The following RPL28 variants were observed in gnomAD, a reference collection of about 807,000 sequenced individuals.
The protein encoded by RPL28 is ribosomal protein L28.
In RPL28, 4 loss-of-function variants were observed where a neutral mutation model predicts 12.5. The ratio of observed to expected loss-of-function variants is 0.32; its 90% CI spans 0.16 to 0.73. The LOEUF is 0.73. RPL28 is among the 30% of genes least tolerant of loss of function. The pLI, the probability that RPL28 is intolerant of heterozygous loss-of-function variation, is 0.66. For synonymous variants in RPL28, 91 were observed against 72.5 expected (o/e 1.26, Z -1.30); for missense variants, 214 against 197.7 (o/e 1.08, Z -0.49).
downstream of RPL28, among the ~76,000 whole-genome samples, chr19:55,394,717 G>A (rs1260464022): frequency 6.6e-6 from 1 of 152,234 alleles, no homozygotes; most frequent in Non-Finnish European, 1.5e-5. Context: ...GACCACAGGT[G>A]TGTGCTGCCA....
intron 3 of RPL28, chr19:55,387,710 C>A: frequency 7.1e-7 from 1 of 1,412,442 alleles, no homozygotes; most frequent in South Asian, 1.6e-5. Context: ...CAGAATTGGG[C>A]TATGAGTGTG....
intron 4 of RPL28, among the ~76,000 whole-genome samples, chr19:55,398,433 C>CCT (rs1427821018): frequency 2.0e-5 from 3 of 152,212 alleles, no homozygotes; most frequent in Non-Finnish European, 4.4e-5. Context: ...CAACTGGAGT[C>CCT]TATAGGAGTT....
chr19:55,390,058 G>GC lies in RPL28; in HGVS notation c.*1727dup. The GC allele has an allele frequency of 1.0e-6, 1 of 985,518 alleles. No homozygotes were observed. Among genetic ancestry groups the GC allele is most frequent in the Non-Finnish European group, 1.2e-6 (1 of 829,982 alleles). 61.0% of individuals were successfully genotyped at this position (985,518 alleles called of 1,614,324 possible). A position where few individuals can be genotyped will look rare whatever the true frequency, so the allele number is the denominator to read the frequency against. On this transcript the variant is annotated 3_prime_UTR_variant, in exon 5 of 5. Coordinates refer to ENST00000344063, the MANE Select transcript of RPL28 (RefSeq NM_000991.5). ...CAGTTGTCCTCCACAGCACTGATTT[G>GC]CAGCCCACAAGCTGGCAGGTTTATC...
In RPL28 at chr19:55,389,702, C is replaced by T. The variant is rs2089971791; in HGVS notation, c.*1370C>T. ...AGAGCAGATCTGACCACTTGCCAGC[C>T]CCTGTCTGCTGTGAATTACCATTTC... On this transcript the variant is annotated 3_prime_UTR_variant, in exon 5 of 5. Transcript: ENST00000344063. 1 of 985,342 alleles carries T rather than the reference C, an allele frequency of 1.0e-6. No homozygotes were observed. The highest frequency in any genetic ancestry group is 6.1e-5 in the Admixed American group (1 of 16,262). The allele number at this position is 985,342 out of a possible 1,614,324, so 61.0% of individuals were successfully genotyped here.
downstream of RPL28, among the ~76,000 whole-genome samples, chr19:55,396,751 T>C (rs1379637072): frequency 1.4e-5 from 2 of 147,104 alleles, no homozygotes; most frequent in African/African-American, 5.0e-5. Flanking sequence ...CGGCTAATTT[T>C]TTTGATTTTT....
chr19:55,403,258 G>C, downstream of RPL28: 2 of 576,134 alleles, frequency 3.5e-6, no homozygotes, highest in Middle Eastern at 4.6e-4. Flanking sequence ...CTTTGGAACT[G>C]AGTTTTACGG....
chr19:55,391,305 C>T lies in RPL28; in HGVS notation c.*2973C>T, dbSNP rs939309730. 2.6e-5 allele frequency: 17 copies of T among 660,792 alleles called. No homozygotes were observed. Among genetic ancestry groups the T allele is most frequent in the Admixed American group, 9.1e-5 (2 of 22,054 alleles). The allele number at this position is 660,792 out of a possible 1,614,324, so 40.9% of individuals were successfully genotyped here. A position where few individuals can be genotyped will look rare whatever the true frequency, so the allele number is the denominator to read the frequency against. ...CCCAGCTGTGGGGACTTGGGCAGCT[C>T]GTTTAGTAGCACCGTGCCTCAGTTT... On this transcript the variant is annotated 3_prime_UTR_variant, in exon 5 of 5. Transcript: ENST00000344063.
At position 55,386,209 on chromosome 19, in the gene RPL28, G is replaced by A. The variant is rs2089922550; in HGVS notation, c.-8-141G>A. ...TCAGTCCCGCCTGACAAGAGTTCTAGGTCGCTGTCTGCCCTCAGGGGTCTC... is the reference window on the plus strand; with the variant it reads ...TCAGTCCCGCCTGACAAGAGTTCTAAGTCGCTGTCTGCCCTCAGGGGTCTC... On this transcript the variant is annotated intron_variant, in intron 1 of 4. Transcript: ENST00000344063. The A allele has an allele frequency of 4.1e-6, 3 of 733,310 alleles. No individual in the cohort carries two copies. In the South Asian group the frequency reaches 5.0e-5, roughly 12 times the overall value. 45.4% of individuals were successfully genotyped at this position (733,310 alleles called of 1,614,324 possible). A position where few individuals can be genotyped will look rare whatever the true frequency, so the allele number is the denominator to read the frequency against.
At chr19:55,402,279 G>A (rs1248348238) in intron 4 of RPL28, among the ~76,000 whole-genome samples, 1 of 152,220 alleles carries the variant, frequency 6.6e-6, no homozygotes, top group South Asian at 2.1e-4. Flanking sequence ...TCCAGATACA[G>A]CATAAATCCT....
intron 4 of RPL28, among the ~76,000 whole-genome samples, chr19:55,402,306 C>T (rs940604989): frequency 3.3e-5 from 5 of 152,222 alleles, no homozygotes; most frequent in African/African-American, 1.2e-4. Context: ...TGTCTTTTAT[C>T]AGACATCCGA....
Position 55,391,847 on chromosome 19 carries a change from T to G in RPL28, c.*3515T>G. 2 of 1,393,524 alleles carry G rather than the reference T, an allele frequency of 1.4e-6. No individual in the cohort carries two copies. The highest frequency in any genetic ancestry group is 1.9e-6 in the Non-Finnish European group (2 of 1,064,658). 86.3% of individuals were successfully genotyped at this position (1,393,524 alleles called of 1,614,324 possible). On this transcript the variant is annotated 3_prime_UTR_variant, in exon 5 of 5. Coordinates refer to ENST00000344063, the MANE Select transcript of RPL28 (RefSeq NM_000991.5). ...TAATTTGTACACAAACTAATGCTCGTGTTTCCCAAGCACCTGGAAGACATG... is the reference window on the plus strand; with the variant it reads ...TAATTTGTACACAAACTAATGCTCGGGTTTCCCAAGCACCTGGAAGACATG...
chr19:55,388,651 CAGA>C lies in RPL28; in HGVS notation c.*327_*329del, dbSNP rs1292383440. On this transcript the variant is annotated 3_prime_UTR_variant, in exon 5 of 5. Transcript: ENST00000344063. Reference sequence around the variant, plus strand: ...CCCAGCTGGGGCAGTGGCTTCCATTCAGAAGAAGAAAGGCCTTTTCTAGCCCAG... The same window carrying C: ...CCCAGCTGGGGCAGTGGCTTCCATTCAGAAGAAAGGCCTTTTCTAGCCCAG... 8 of 1,162,826 alleles carry C rather than the reference CAGA, an allele frequency of 6.9e-6. No homozygotes were observed. The highest frequency in any genetic ancestry group is 8.5e-6 in the Non-Finnish European group (8 of 944,206). The allele number at this position is 1,162,826 out of a possible 1,614,324, so 72.0% of individuals were successfully genotyped here. A position where few individuals can be genotyped will look rare whatever the true frequency, so the allele number is the denominator to read the frequency against.
At chr19:55,386,964 G>A (rs2089936683) in intron 3 of RPL28, 1 of 1,447,122 alleles carries the variant, frequency 6.9e-7, no homozygotes, top group Non-Finnish European at 9.1e-7. Context: ...GCACGGGGTT[G>A]ATGTTTTCAG....
At chr19:55,398,263 A>G (rs772158337) in intron 4 of RPL28, among the ~76,000 whole-genome samples, 1 of 152,250 alleles carries the variant, frequency 6.6e-6, no homozygotes, top group East Asian at 1.9e-4. Context: ...AGACGCAGGA[A>G]GGAGTTACCC....
At chr19:55,386,547 G>T in intron 2 of RPL28, 23 bp from the exon 3 acceptor site, 2 of 1,601,182 alleles carry the variant, frequency 1.2e-6, no homozygotes, top group Non-Finnish European at 8.6e-7. Context: ...TATTCACGAT[G>T]CCTTGTGCCG....
At chr19:55,402,424 C>A (rs760942829) in intron 4 of RPL28, among the ~76,000 whole-genome samples, 3 of 152,200 alleles carry the variant, frequency 2.0e-5, no homozygotes, top group Non-Finnish European at 4.4e-5. Flanking sequence ...TTCCTCTCAA[C>A]CCCCTTCACA....
In RPL28 at chr19:55,391,513, C is replaced by T. The variant is rs533291181; in HGVS notation, c.*3181C>T. On this transcript the variant is annotated 3_prime_UTR_variant, in exon 5 of 5. Transcript: ENST00000344063. Reference sequence around the variant, plus strand: ...AGCGCTGGGGACTCCAGACTCCCCACAGCAGCAGAGACTCGGGACTGAGGC... The same window carrying T: ...AGCGCTGGGGACTCCAGACTCCCCATAGCAGCAGAGACTCGGGACTGAGGC... The T allele has an allele frequency of 8.2e-6, 12 of 1,470,630 alleles. No individual in the cohort carries two copies. In the South Asian group the frequency reaches 1.6e-4, roughly 20 times the overall value. The allele number at this position is 1,470,630 out of a possible 1,614,324, so 91.1% of individuals were successfully genotyped here. A position where few individuals can be genotyped will look rare whatever the true frequency, so the allele number is the denominator to read the frequency against.
chr19:55,386,831 C>T (rs2089934472), intron 3 of RPL28, 138 bp downstream of exon 3: 2 of 1,580,018 alleles, frequency 1.3e-6, no homozygotes, highest in African/African-American at 1.3e-5. Context: ...GTCTGGGTAC[C>T]GGCTTCCCTC....
In RPL28 at chr19:55,389,393, C is replaced by G; in HGVS notation, c.*1061C>G. On this transcript the variant is annotated 3_prime_UTR_variant, in exon 5 of 5. Transcript: ENST00000344063. ...TGGGGAAAGAGTCCTGCTGTTGATC[C>G]TCACATGTTTCCTGGGCACCTAACT... 1.0e-6 allele frequency: 1 copy of G among 985,354 alleles called. No individual in the cohort carries two copies. Among genetic ancestry groups the G allele is most frequent in the Non-Finnish European group, 1.2e-6 (1 of 829,950 alleles). 61.0% of individuals were successfully genotyped at this position (985,354 alleles called of 1,614,324 possible).
Sources: gnomAD v4.1 joint callset for allele counts (sites outside exome capture counted in the v4.1 genomes callset) on GRCh38, gnomAD v4.1.1 for gene constraint, MANE v1.5 for transcripts, NCBI Gene and HGNC (gene_info 2026-07-23, HGNC 2026-07-21) for gene names.